The following MLF1 variants were observed in gnomAD, a reference collection of about 807,000 sequenced individuals.
MLF1 encodes myelodysplasia-myeloid leukemia factor 1.
In MLF1, 37 loss-of-function variants were observed where a neutral mutation model predicts 38.3. That is an observed-to-expected ratio of 0.96 (90% confidence interval 0.74 to 1.27). The LOEUF (loss-of-function observed/expected upper bound fraction) is 1.27, where lower values mean the gene tolerates loss of function less well. Among genes scored for constraint, MLF1 ranks in the 50% most tolerant of loss-of-function variants. MLF1 has a pLI of 0.00. For synonymous variants in MLF1, 95 were observed against 106.5 expected, an observed-to-expected ratio of 0.89 and a Z score of 0.66; for missense variants, 331 against 349.2, an observed-to-expected ratio of 0.95 and a Z score of 0.42.
chr3:158,578,589 T>A (rs985756515), intron 1 of MLF1, among the ~76,000 whole-genome samples: 1 of 151,924 alleles, frequency 6.6e-6, no homozygotes, highest in African/African-American at 2.4e-5. Context: ...AGTTAAGACA[T>A]AAACACTTTT....
intron 1 of MLF1, among the ~76,000 whole-genome samples, chr3:158,578,745 A>G (rs1715868400): frequency 6.6e-6 from 1 of 152,182 alleles, no homozygotes; most frequent in South Asian, 2.1e-4. Flanking sequence ...GAGGAGGTAT[A>G]TAGTCATCAG....
Position 158,576,867 on chromosome 3 carries a change from T to C in MLF1, c.47+5520T>C, listed in dbSNP as rs549485745. On this transcript the variant is annotated intron_variant, in intron 1 of 7. Coordinates refer to ENST00000466246, the MANE Select transcript of MLF1 (RefSeq NM_001369783.1). ...TTTTGTATTTTTAGTAGATACCGGG[T>C]TTCACTATGTTGGCCAAACTGGTCT... Among the ~76,000 whole-genome samples, 6 of 152,086 alleles carry C rather than the reference T, an allele frequency of 3.9e-5. No individual in the cohort carries two copies. The South Asian group carries it at 1.0e-3, about 26-fold the overall frequency.
chr3:158,575,518 A>T (rs1460097947), intron 1 of MLF1, among the ~76,000 whole-genome samples: 2 of 152,226 alleles, frequency 1.3e-5, no homozygotes, highest in Admixed American at 6.5e-5. Context: ...AAACAAAATG[A>T]GTATCCATTT....
At position 158,600,106 on chromosome 3, in the gene MLF1, TA is replaced by T; in HGVS notation, c.551del (p.Lys184SerfsTer19). ...HHIHDRAHVI[K>X]KSKNKKTGDE... Reference sequence around the variant, plus strand: ...ATATCCATGACCGAGCTCATGTCATTAAAAAGTCAAAGAACAAGAAGACTGG... The same window carrying T: ...ATATCCATGACCGAGCTCATGTCATTAAAAGTCAAAGAACAAGAAGACTGG... On this transcript the variant is annotated frameshift_variant, in exon 6 of 8. Coordinates refer to ENST00000466246, the MANE Select transcript of MLF1 (RefSeq NM_001369783.1). LOFTEE classifies it high-confidence loss of function. The T allele has an allele frequency of 6.7e-7, 1 of 1,485,326 alleles. No individual in the cohort carries two copies. 92.0% of individuals were successfully genotyped at this position (1,485,326 alleles called of 1,614,324 possible).
intron 7 of MLF1, among the ~76,000 whole-genome samples, chr3:158,604,807 C>T (rs1343786761): frequency 6.6e-6 from 1 of 152,044 alleles, no homozygotes; most frequent in Admixed American, 6.6e-5. Context: ...TACAGGCGCG[C>T]ATCACCACGC....
At chr3:158,582,739 C>T (rs1285446103) in intron 1 of MLF1, 2 of 543,616 alleles carry the variant, frequency 3.7e-6, no homozygotes, top group Non-Finnish European at 6.4e-6. Context: ...ATTCTGTATC[C>T]TGCAAAATTA....
At chr3:158,583,805 A>G (rs182914961) in intron 1 of MLF1, among the ~76,000 whole-genome samples, 282 of 152,286 alleles carry the variant, frequency 1.9e-3, no homozygotes, top group African/African-American at 6.5e-3. Flanking sequence ...TGCTAACCAA[A>G]CAGAAGAACC....
At chr3:158,602,037 T>C (rs1719861154) in intron 6 of MLF1, among the ~76,000 whole-genome samples, 1 of 151,966 alleles carries the variant, frequency 6.6e-6, no homozygotes. Context: ...AGGATGGTCT[T>C]GATCTCCTGA....
chr3:158,572,939 C>T (rs530818319), intron 1 of MLF1, among the ~76,000 whole-genome samples: 1 of 151,712 alleles, frequency 6.6e-6, no homozygotes, highest in South Asian at 2.1e-4. Flanking sequence ...TCCATTTGGC[C>T]GGACTTTGGG....
intron 1 of MLF1, among the ~76,000 whole-genome samples, chr3:158,591,602 G>A (rs1233435706): frequency 6.6e-6 from 1 of 152,128 alleles, no homozygotes; most frequent in African/African-American, 2.4e-5. Context: ...AGTTCCACTG[G>A]GCTGCAGGAA....
intron 1 of MLF1, among the ~76,000 whole-genome samples, chr3:158,580,785 CA>C: frequency 8.3e-6 from 1 of 119,876 alleles, no homozygotes; most frequent in Non-Finnish European, 1.7e-5. Flanking sequence ...CTGTCTCTAC[CA>C]GAAAAAAAAA....
chr3:158,579,465 A>G (rs1715999441), intron 1 of MLF1, among the ~76,000 whole-genome samples: 2 of 152,206 alleles, frequency 1.3e-5, no homozygotes, highest in Admixed American at 1.3e-4. Context: ...GCTTTTGTTT[A>G]GTGCATCTTC....
At chr3:158,576,506 G>A (rs73022770) in intron 1 of MLF1, among the ~76,000 whole-genome samples, 28,569 of 151,914 alleles carry the variant, frequency 0.19, 3,114 homozygotes, top group African/African-American at 0.3. Context: ...TATTTAGTAC[G>A]ACCCAGAATT....
At chr3:158,588,622 A>AGC (rs35103209) in intron 1 of MLF1, among the ~76,000 whole-genome samples, 64,261 of 128,370 alleles carry the variant, frequency 0.5, 15,932 homozygotes, top group African/African-American at 0.69. Flanking sequence ...AAAAAAAAAA[A>AGC]AAGCAGAAAA....
chr3:158,592,766 A>C (rs1718347979), intron 2 of MLF1, among the ~76,000 whole-genome samples, 185 bp downstream of exon 2: 1 of 152,198 alleles, frequency 6.6e-6, no homozygotes, highest in Non-Finnish European at 1.5e-5. Flanking sequence ...AGCTATATGG[A>C]ATTTCACTGT....
chr3:158,572,809 G>A (rs557091593), intron 1 of MLF1, among the ~76,000 whole-genome samples: 4 of 150,040 alleles, frequency 2.7e-5, no homozygotes, highest in Non-Finnish European at 3.0e-5. Flanking sequence ...GCGTGAGGTC[G>A]CAGGAGGATG....
chr3:158,582,775 A>G, intron 1 of MLF1: 1 of 593,614 alleles, frequency 1.7e-6, no homozygotes, highest in Non-Finnish European at 2.9e-6. Context: ...GAAGAAATAG[A>G]CTGTCTCAGA....
At position 158,571,315 on chromosome 3, in the gene MLF1, G is replaced by T. The variant is rs745394246; in HGVS notation, c.15G>T (p.Leu5=). The change falls in exon 1 of 8, where the codon CTG becomes CTT. Residue 5 remains leucine, a synonymous_variant. Transcript: ENST00000466246. MFRM[L]NSSFEDDPFF... Reference sequence around the variant, plus strand: ...ACAGAGCCAGAATGTTCAGGATGCTGAACAGCAGTTTTGAGGATGACCCCT... The same window carrying T: ...ACAGAGCCAGAATGTTCAGGATGCTTAACAGCAGTTTTGAGGATGACCCCT... 5 of 1,612,898 alleles carry T rather than the reference G, an allele frequency of 3.1e-6. No individual in the cohort carries two copies. In the African/African-American group the frequency reaches 4.0e-5, roughly 13 times the overall value.
rs1018387050 is a variant in MLF1, at chr3:158,605,884, T to A, written c.*682T>A. On this transcript the variant is annotated 3_prime_UTR_variant, in exon 8 of 8. Coordinates refer to ENST00000466246, the MANE Select transcript of MLF1 (RefSeq NM_001369783.1). ...TTACATTCTTAATATTCACCAGATA[T>A]TATATTGACCATTCTCTTTAACTTC... is the stretch of plus-strand genomic sequence containing the variant. 1 of 180,918 alleles carries A rather than the reference T, an allele frequency of 5.5e-6. No homozygotes were observed. Among genetic ancestry groups the A allele is most frequent in the African/African-American group, 2.4e-5 (1 of 42,414 alleles). The allele number at this position is 180,918 out of a possible 1,614,324, so 11.2% of individuals were successfully genotyped here.
Sources: allele counts gnomAD v4.1 joint callset (sites outside exome capture counted in the v4.1 genomes callset), GRCh38; gene constraint gnomAD v4.1.1; transcripts MANE v1.5; gene names NCBI Gene and HGNC (gene_info 2026-07-23, HGNC 2026-07-21).